Variants in ARHGAP24 observed in about 807,000 individuals in gnomAD.
The protein encoded by ARHGAP24 is rho GTPase-activating protein 24.
In ARHGAP24, 50 loss-of-function variants were observed where a neutral mutation model predicts 76.4. The observed-to-expected ratio is 0.65, with a 90% CI of 0.52 to 0.83. ARHGAP24 has a LOEUF of 0.83. ARHGAP24 is among the 40% of genes least tolerant of loss of function. The pLI, the probability that ARHGAP24 is intolerant of heterozygous loss-of-function variation, is 0.00. For missense variants in ARHGAP24, 930 were observed against 914.2 expected, an observed-to-expected ratio of 1.02 and a Z score of -0.22; for synonymous variants, 345 against 323.3, an observed-to-expected ratio of 1.07 and a Z score of -0.72.
intron 3 of ARHGAP24, among the ~76,000 whole-genome samples, chr4:85,728,245 A>C (rs931162469): frequency 5.9e-5 from 9 of 151,512 alleles, no homozygotes; most frequent in African/African-American, 2.2e-4. Flanking sequence ...AAAAAAAAAA[A>C]AAAAAAAAGG....
intron 3 of ARHGAP24, among the ~76,000 whole-genome samples, chr4:85,800,725 T>G (rs1384926781): frequency 6.6e-6 from 1 of 152,230 alleles, no homozygotes; most frequent in Non-Finnish European, 1.5e-5. Context: ...ACTGAAACAG[T>G]CTACATTGAA....
At chr4:85,595,995 T>G (rs997230545) in intron 2 of ARHGAP24, among the ~76,000 whole-genome samples, 1 of 151,996 alleles carries the variant, frequency 6.6e-6, no homozygotes, top group African/African-American at 2.4e-5. Flanking sequence ...TGCATGCCAA[T>G]GCCTAGGATG....
intron 3 of ARHGAP24, among the ~76,000 whole-genome samples, chr4:85,790,536 C>A (rs1471196475): frequency 6.6e-6 from 1 of 152,118 alleles, no homozygotes; most frequent in East Asian, 1.9e-4. Flanking sequence ...AGATTATATC[C>A]TTTTGCTCTT....
At chr4:85,631,313 G>A (rs1721151941) in intron 2 of ARHGAP24, among the ~76,000 whole-genome samples, 1 of 152,000 alleles carries the variant, frequency 6.6e-6, no homozygotes, top group Admixed American at 6.6e-5. Context: ...CTTTAAAAGA[G>A]TCAATTATTA....
chr4:85,527,543 C>A (rs1208453134), intron 1 of ARHGAP24, among the ~76,000 whole-genome samples: 2 of 152,034 alleles, frequency 1.3e-5, no homozygotes, highest in Non-Finnish European at 2.9e-5. Context: ...TCTGTATTAC[C>A]AGTCTCATTC....
At chr4:85,750,005 T>C (rs1403619176) in intron 3 of ARHGAP24, among the ~76,000 whole-genome samples, 1 of 152,152 alleles carries the variant, frequency 6.6e-6, no homozygotes, top group African/African-American at 2.4e-5. Context: ...CATCCATCCA[T>C]GACTGCATGC....
At chr4:85,718,124 A>G (rs781394701) in intron 2 of ARHGAP24, among the ~76,000 whole-genome samples, 1 of 152,144 alleles carries the variant, frequency 6.6e-6, no homozygotes, top group African/African-American at 2.4e-5. Flanking sequence ...GAGAAGCTCA[A>G]AGACTTAGCT....
chr4:85,722,808 G>T (rs190991299), intron 3 of ARHGAP24, among the ~76,000 whole-genome samples: 7 of 152,270 alleles, frequency 4.6e-5, no homozygotes, highest in Admixed American at 4.6e-4. Flanking sequence ...GGGTGGATGT[G>T]AATTTATTTG....
intron 3 of ARHGAP24, among the ~76,000 whole-genome samples, chr4:85,871,144 G>A (rs1732503372): frequency 6.6e-6 from 1 of 152,042 alleles, no homozygotes; most frequent in Non-Finnish European, 1.5e-5. Flanking sequence ...CAGTCTTAGG[G>A]TTTAACCCCT....
chr4:85,707,698 G>A (rs548189314), intron 2 of ARHGAP24, among the ~76,000 whole-genome samples: 2 of 152,180 alleles, frequency 1.3e-5, no homozygotes, highest in East Asian at 3.9e-4. Context: ...AAAAAGGAAT[G>A]GACCGCTAAT....
chr4:85,503,433 G>A (rs577674073), intron 1 of ARHGAP24, among the ~76,000 whole-genome samples: 19 of 152,110 alleles, frequency 1.2e-4, no homozygotes, highest in Non-Finnish European at 2.9e-5. Context: ...CTTCTTCCTG[G>A]TTTAGTCTTG....
At chr4:85,800,757 C>A (rs1273762110) in intron 3 of ARHGAP24, among the ~76,000 whole-genome samples, 2 of 152,156 alleles carry the variant, frequency 1.3e-5, no homozygotes, top group African/African-American at 4.8e-5. Context: ...AACCATGTGG[C>A]CCTCTGCTAA....
At chr4:85,612,081 A>C (rs919867661) in intron 2 of ARHGAP24, among the ~76,000 whole-genome samples, 1 of 55,170 alleles carries the variant, frequency 1.8e-5, no homozygotes, top group Admixed American at 2.6e-4. Context: ...CTTTCATTAC[A>C]TTACACACAC....
chr4:85,747,137 C>G (rs1236616680), intron 3 of ARHGAP24, among the ~76,000 whole-genome samples: 5 of 152,130 alleles, frequency 3.3e-5, no homozygotes, highest in African/African-American at 1.2e-4. Context: ...TCAGGAAATG[C>G]CTGGAGCAAC....
At chr4:85,621,548 G>C (rs1720719670) in intron 2 of ARHGAP24, among the ~76,000 whole-genome samples, 1 of 151,672 alleles carries the variant, frequency 6.6e-6, no homozygotes, top group Admixed American at 6.6e-5. Flanking sequence ...ATGTTTGTTG[G>C]CCACTTCTAT....
intron 3 of ARHGAP24, among the ~76,000 whole-genome samples, chr4:85,802,480 T>G (rs1212765743): frequency 6.6e-6 from 1 of 152,160 alleles, no homozygotes; most frequent in Admixed American, 6.5e-5. Flanking sequence ...AGGAGATAAT[T>G]TATAATGATG....
intron 3 of ARHGAP24, among the ~76,000 whole-genome samples, chr4:85,859,242 C>CACA (rs1439225393): frequency 6.6e-6 from 1 of 151,208 alleles, no homozygotes; most frequent in Non-Finnish European, 1.5e-5. Context: ...CACACACACA[C>CACA]AAGATGTGCT....
chr4:85,726,161 C>T (rs184955477), intron 3 of ARHGAP24, among the ~76,000 whole-genome samples: 2 of 152,008 alleles, frequency 1.3e-5, no homozygotes, highest in Non-Finnish European at 2.9e-5. Flanking sequence ...CTCAGTAAAC[C>T]TGGCAGAGAA....
intron 3 of ARHGAP24, among the ~76,000 whole-genome samples, chr4:85,797,339 A>AT (rs945842632): frequency 1.3e-5 from 2 of 151,652 alleles, no homozygotes; most frequent in East Asian, 2.0e-4. Flanking sequence ...CGCCCAGCTA[A>AT]TTTTTTTGTA....
Sources: gnomAD v4.1 joint callset for allele counts (sites outside exome capture counted in the v4.1 genomes callset) on GRCh38, gnomAD v4.1.1 for gene constraint, MANE v1.5 for transcripts, NCBI Gene and HGNC (gene_info 2026-07-23, HGNC 2026-07-21) for gene names.